Variants in ADGRL1 observed in about 807,000 individuals in gnomAD.
The protein encoded by ADGRL1 is adhesion G protein-coupled receptor L1, also known as CIRL-1.
ADGRL1 carries 31 observed loss-of-function variants against 148.9 expected under a neutral mutation model. That is an observed-to-expected ratio of 0.21 (90% CI 0.16 to 0.28). The LOEUF (loss-of-function observed/expected upper bound fraction) is 0.28, where lower values mean the gene tolerates loss of function less well. ADGRL1 is among the 10% of genes least tolerant of loss of function. ADGRL1 has a pLI of 1.00. For missense variants in ADGRL1, 1,521 were observed against 2,058.8 expected, an observed-to-expected ratio of 0.74 and a Z score of 5.05; for synonymous variants, 937 against 900.3, an observed-to-expected ratio of 1.04 and a Z score of -0.73.
At position 14,194,183 on chromosome 19, in the gene ADGRL1, G is replaced by A. The variant is rs1441592948; in HGVS notation, c.-95-10486C>T. On this transcript the variant is annotated intron_variant, in intron 1 of 22. Transcript: ENST00000361434. ...CCTGTGATCGCACCAGTACACTTCA[G>A]CCTGGGCAATAGAGCAAGACCTCAT... is the stretch of plus-strand genomic sequence containing the variant. Among the ~76,000 whole-genome samples the A allele has an allele frequency of 2.6e-5, 4 of 152,216 alleles. No homozygotes were observed. In the East Asian group the frequency reaches 7.7e-4, roughly 29 times the overall value.
chr19:14,157,538 G>A lies in ADGRL1; in HGVS notation c.2536-78C>T, dbSNP rs1435615122. The A allele has an allele frequency of 2.1e-6, 3 of 1,453,800 alleles. No homozygotes were observed. Among genetic ancestry groups the A allele is most frequent in the Non-Finnish European group, 2.9e-6 (3 of 1,044,608 alleles). 90.1% of individuals were successfully genotyped at this position (1,453,800 alleles called of 1,614,324 possible). On this transcript the variant is annotated intron_variant, in intron 13 of 22. Transcript: ENST00000361434. This position sits in a 1 kb window ranked among gnomAD's most constrained non-coding sequence, Gnocchi z 7.5. ...CTCAGCCAGGTGCCAGCCACAGACA[G>A]GGCCCTGGGCAAGGCCATGGGCCGT...
chr19:14,156,460 G>A lies in ADGRL1; in HGVS notation c.3033+198C>T, dbSNP rs918006288. Among the ~76,000 whole-genome samples, 3 of 152,036 alleles carry A rather than the reference G, an allele frequency of 2.0e-5. 1 individual carries two copies. The highest frequency in any genetic ancestry group is 2.0e-4 in the Admixed American group (3 of 15,280). ...TAGGGGCTCAAATCACAGCCCCCCA[G>A]GCGAGCAGCCCTCAGCACTGGAGCT... On this transcript the variant is annotated intron_variant, in intron 16 of 22. Transcript: ENST00000361434.
In ADGRL1 at chr19:14,176,126, G is replaced by A. The variant is rs548702938; in HGVS notation, c.284+1405C>T. On this transcript the variant is annotated intron_variant, in intron 3 of 22. Transcript: ENST00000361434. Reference sequence around the variant, plus strand: ...CAGCACTTTGGGAGGCCAAGTGGGCGGATCATGAGGTCAAGAGATCGAGAC... The same window carrying A: ...CAGCACTTTGGGAGGCCAAGTGGGCAGATCATGAGGTCAAGAGATCGAGAC... Among the ~76,000 whole-genome samples the A allele has an allele frequency of 8.6e-5, 13 of 151,942 alleles. No homozygotes were observed. In the South Asian group the frequency reaches 1.7e-3, roughly 19 times the overall value.
At chr19:14,202,704 CT>C (rs1435589564) in intron 1 of ADGRL1, among the ~76,000 whole-genome samples, 1 of 152,088 alleles carries the variant, frequency 6.6e-6, no homozygotes, top group Non-Finnish European at 1.5e-5. Context: ...TGCACCCAGC[CT>C]TGCTCCAAGA....
At chr19:14,200,208 C>T (rs549185823) in intron 1 of ADGRL1, among the ~76,000 whole-genome samples, 1 of 152,306 alleles carries the variant, frequency 6.6e-6, no homozygotes, top group East Asian at 1.9e-4. Context: ...TGGACCGTGC[C>T]TATATGTTTG....
intron 1 of ADGRL1, among the ~76,000 whole-genome samples, chr19:14,204,713 T>TA (rs1972850699): frequency 1.4e-5 from 2 of 142,890 alleles, no homozygotes; most frequent in Non-Finnish European, 3.1e-5. Context: ...ACAGAGAGAG[T>TA]GAGAGAGAGA....
intron 2 of ADGRL1, among the ~76,000 whole-genome samples, chr19:14,182,748 A>G (rs1196805728): frequency 2.0e-5 from 3 of 152,194 alleles, no homozygotes. Context: ...CTGGATGGGC[A>G]GAGAACGTAG....
chr19:14,200,385 C>T (rs1972521078), intron 1 of ADGRL1, among the ~76,000 whole-genome samples: 1 of 152,212 alleles, frequency 6.6e-6, no homozygotes, highest in South Asian at 2.1e-4. Flanking sequence ...GCCTTCACTC[C>T]CAGAAGCCAC....
At chr19:14,193,125 G>A (rs1408188285) in intron 1 of ADGRL1, among the ~76,000 whole-genome samples, 4 of 152,014 alleles carry the variant, frequency 2.6e-5, no homozygotes, top group African/African-American at 7.2e-5. Context: ...CCTCTCCCCA[G>A]AGTGGCTCCC....
In ADGRL1 at chr19:14,156,902, A is replaced by G. The variant is rs774320878; in HGVS notation, c.2966+23T>C. The G allele has an allele frequency of 7.5e-6, 12 of 1,601,982 alleles. No homozygotes were observed. In the African/African-American group the frequency reaches 1.5e-4, roughly 20 times the overall value. On this transcript the variant is annotated intron_variant, in intron 15 of 22. Transcript: ENST00000361434. ...AGCAGGGAACCAGGTGGGAGGGTGC[A>G]GGGCTGGGAGGTGGAAACTCACGCC... is the stretch of plus-strand genomic sequence containing the variant.
Position 14,151,489 on chromosome 19 carries a change from C to T in ADGRL1, c.3794G>A (p.Arg1265Gln), listed in dbSNP as rs367988893. The T allele has an allele frequency of 2.8e-5, 45 of 1,611,478 alleles. No individual in the cohort carries two copies. The highest frequency in any genetic ancestry group is 1.5e-4 in the Admixed American group (9 of 59,532). The change falls in exon 23 of 23, where the codon CGA becomes CAA. Residue 1265 changes from arginine (R) to glutamine (Q), a missense_variant. By Grantham distance (43) the Arg-to-Gln change is conservative. Coordinates refer to ENST00000361434, the MANE Select transcript of ADGRL1 (RefSeq NM_014921.5). ...PPGDGGPEPP[R>Q]GRNLADAAAF... ...CGCCGCATCGGCTAGGTTCCGGCCT[C>T]GGGGCGGCTCAGGGCCCCCATCCCC...
intron 1 of ADGRL1, among the ~76,000 whole-genome samples, chr19:14,205,706 C>G (rs1160237286): frequency 6.6e-6 from 1 of 151,470 alleles, no homozygotes; most frequent in African/African-American, 2.4e-5. Context: ...CCCCTCCCCC[C>G]GCCAGGCACC....
At chr19:14,167,602 T>C (rs1970099085) in intron 4 of ADGRL1, among the ~76,000 whole-genome samples, 1 of 152,128 alleles carries the variant, frequency 6.6e-6, no homozygotes, top group Non-Finnish European at 1.5e-5. Flanking sequence ...TTCCCCTTTA[T>C]GCTGGCCTCA....
chr19:14,159,661 T>C lies in ADGRL1; in HGVS notation c.1839+74A>G, dbSNP rs527657511. ...CTGGGGGTGGGCTCTGCATGCCCTC[T>C]TCTCAACCTCCACCCCTAATCCCCC... On this transcript the variant is annotated intron_variant, in intron 9 of 22. Transcript: ENST00000361434. The surrounding 1 kb of genome is among the most constrained non-coding windows in gnomAD (Gnocchi z 6.0). 4 of 1,598,388 alleles carry C rather than the reference T, an allele frequency of 2.5e-6. No homozygotes were observed. In the South Asian group the frequency reaches 4.4e-5, roughly 18 times the overall value.
At chr19:14,193,865 G>A (rs188713046) in intron 1 of ADGRL1, among the ~76,000 whole-genome samples, 74 of 152,336 alleles carry the variant, frequency 4.9e-4, no homozygotes, top group African/African-American at 1.6e-3. Flanking sequence ...GGCCTGCAAC[G>A]GATTCTGCCT....
At chr19:14,183,244 C>G (rs1002684345) in intron 2 of ADGRL1, among the ~76,000 whole-genome samples, 1 of 113,534 alleles carries the variant, frequency 8.8e-6, no homozygotes, top group South Asian at 3.0e-4. Flanking sequence ...AGAGGAGCAT[C>G]GGCTCACCAA....
At chr19:14,151,883 G>A (rs1396392661) in intron 22 of ADGRL1, among the ~76,000 whole-genome samples, 1 of 152,184 alleles carries the variant, frequency 6.6e-6, no homozygotes, top group Non-Finnish European at 1.5e-5. Context: ...CAGAATCTCA[G>A]CAGTGTGAGG....
chr19:14,155,015 G>A lies in ADGRL1; in HGVS notation c.3294+344C>T, dbSNP rs1968578581. ...AATTCTTTCCAGAACTATGAATGTA[G>A]GCAGTGCTCCCTCAGGGTGGCTCCC... On this transcript the variant is annotated intron_variant, in intron 18 of 22. Transcript: ENST00000361434. The surrounding 1 kb of genome is among the most constrained non-coding windows in gnomAD (Gnocchi z 5.0). The A allele has an allele frequency of 5.7e-6, 1 of 175,990 alleles. No individual in the cohort carries two copies. Among genetic ancestry groups the A allele is most frequent in the East Asian group, 1.5e-4 (1 of 6,564 alleles). The allele number at this position is 175,990 out of a possible 1,614,324, so 10.9% of individuals were successfully genotyped here.
intron 3 of ADGRL1, among the ~76,000 whole-genome samples, chr19:14,172,407 G>A (rs1315477483): frequency 6.6e-6 from 1 of 151,204 alleles, no homozygotes; most frequent in Non-Finnish European, 1.5e-5. Context: ...GGGTGACAGA[G>A]TAAGACTCCG....
Sources: allele counts gnomAD v4.1 joint callset (sites outside exome capture counted in the v4.1 genomes callset), GRCh38; gene constraint gnomAD v4.1.1; non-coding constraint Gnocchi (gnomAD v3.1); transcripts MANE v1.5; gene names NCBI Gene and HGNC (gene_info 2026-07-23, HGNC 2026-07-21).